The following TBC1D12 variants were observed in gnomAD, a reference collection of about 807,000 sequenced individuals.
TBC1D12 encodes TBC1 domain family, member 12.
TBC1D12 carries 56 observed loss-of-function variants against 86.7 expected under a neutral mutation model. That is an observed-to-expected ratio of 0.65 (90% CI 0.52 to 0.81). TBC1D12 has a LOEUF of 0.81. Ranked by LOEUF, TBC1D12 falls within the 30% of genes least tolerant of loss-of-function variation. The probability of loss-of-function intolerance (pLI) is 0.00; values close to 1 mark genes in which losing one functional copy is unlikely to be tolerated. For missense variants in TBC1D12, 1,023 were observed against 1,038.8 expected (o/e 0.98, Z 0.21); for synonymous variants, 421 against 411.7 (o/e 1.02, Z -0.27).
rs540339000 is a variant in TBC1D12 at position 94,442,552 on chromosome 10, A to G, written c.1095+533A>G. Among the ~76,000 whole-genome samples the G allele has an allele frequency of 1.9e-4, 29 of 152,316 alleles. No homozygotes were observed. In the East Asian group the frequency reaches 5.2e-3, roughly 27 times the overall value. ...TAATTTAGAAGCTATTTCTTCTGAT[A>G]TCTCTGTTAACATCTGTATTCTTGA... is the stretch of plus-strand genomic sequence containing the variant. On this transcript the variant is annotated intron_variant, in intron 2 of 12. Transcript: ENST00000225235.
chr10:94,462,273 C>CA (rs2055741019), intron 2 of TBC1D12, among the ~76,000 whole-genome samples: 1 of 152,178 alleles, frequency 6.6e-6, no homozygotes, highest in East Asian at 1.9e-4. Context: ...CAAGGTTTCT[C>CA]AACCTCAGCA....
chr10:94,455,906 C>T (rs1199625114), intron 2 of TBC1D12, among the ~76,000 whole-genome samples: 1 of 151,506 alleles, frequency 6.6e-6, no homozygotes, highest in African/African-American at 2.4e-5. Context: ...TCCAGTGAGC[C>T]AGGATGGCAC....
At chr10:94,526,435 A>G (rs939042918) in intron 11 of TBC1D12, among the ~76,000 whole-genome samples, 11 of 151,650 alleles carry the variant, frequency 7.3e-5, no homozygotes, top group Middle Eastern at 3.4e-3. Context: ...TCTCTGAGAA[A>G]AAAAAAAAAA....
chr10:94,407,452 C>T (rs546347974), intron 1 of TBC1D12, among the ~76,000 whole-genome samples: 2 of 152,234 alleles, frequency 1.3e-5, no homozygotes, highest in South Asian at 2.1e-4. Context: ...GAGGCTGAGG[C>T]GGGTGGATCA....
chr10:94,442,645 T>C lies in TBC1D12; in HGVS notation c.1095+626T>C, dbSNP rs529311916. On this transcript the variant is annotated intron_variant, in intron 2 of 12. Coordinates refer to ENST00000225235, the MANE Select transcript of TBC1D12 (RefSeq NM_015188.2). ...CTCTTCAGTACTAGATAAGTGAGAA[T>C]GGAAAGCAGTGAGACTGGATCAATC... Among the ~76,000 whole-genome samples the C allele has an allele frequency of 5.3e-5, 8 of 152,316 alleles. No individual in the cohort carries two copies. In the East Asian group the frequency reaches 1.5e-3, roughly 29 times the overall value.
At chr10:94,431,194 C>T (rs2055210188) in intron 1 of TBC1D12, among the ~76,000 whole-genome samples, 1 of 152,032 alleles carries the variant, frequency 6.6e-6, no homozygotes, top group African/African-American at 2.4e-5. Context: ...GTGGTTGGAT[C>T]TCTTGAGGTC....
chr10:94,480,719 T>C (rs1054541668), intron 3 of TBC1D12, among the ~76,000 whole-genome samples: 2 of 150,274 alleles, frequency 1.3e-5, no homozygotes, highest in Non-Finnish European at 3.0e-5. Context: ...TTTATATATA[T>C]ATATAAAATT....
intron 2 of TBC1D12, among the ~76,000 whole-genome samples, chr10:94,471,109 C>G (rs748531901): frequency 1.6e-4 from 24 of 151,922 alleles, no homozygotes; most frequent in Admixed American, 1.6e-3. Flanking sequence ...AACCCTGTCT[C>G]TATGAAAAAT....
intron 1 of TBC1D12, among the ~76,000 whole-genome samples, chr10:94,434,687 C>T (rs1395439531): frequency 6.6e-6 from 1 of 151,972 alleles, no homozygotes; most frequent in East Asian, 1.9e-4. Flanking sequence ...GGGAAGATTA[C>T]TTGAGCTCAG....
At chr10:94,454,529 C>T (rs2055597568) in intron 2 of TBC1D12, among the ~76,000 whole-genome samples, 1 of 152,186 alleles carries the variant, frequency 6.6e-6, no homozygotes, top group South Asian at 2.1e-4. Flanking sequence ...TAATCATAAA[C>T]ATGGAATATC....
At chr10:94,454,537 ATC>A (rs1393025074) in intron 2 of TBC1D12, among the ~76,000 whole-genome samples, 1 of 152,154 alleles carries the variant, frequency 6.6e-6, no homozygotes, top group Non-Finnish European at 1.5e-5. Context: ...AACATGGAAT[ATC>A]TCTTCATTTG....
chr10:94,403,161 A>T lies in TBC1D12; in HGVS notation c.548A>T (p.Asp183Val). 1 of 1,440,406 alleles carries T rather than the reference A, an allele frequency of 6.9e-7. No individual in the cohort carries two copies. The highest frequency in any genetic ancestry group is 9.1e-7 in the Non-Finnish European group (1 of 1,102,278). 89.2% of individuals were successfully genotyped at this position (1,440,406 alleles called of 1,614,324 possible). Residue 183 changes from aspartate to valine, a missense_variant, in exon 1 of 13, where the codon GAC becomes GTC. Asp to Val is a radical substitution (Grantham distance 152, BLOSUM62 -3). Coordinates refer to ENST00000225235, the MANE Select transcript of TBC1D12 (RefSeq NM_015188.2). ...RLEGPGDEDADGAGSPSDWAS... is the reference protein window; with the variant it reads ...RLEGPGDEDAVGAGSPSDWAS... Reference sequence around the variant, plus strand: ...GAGGGGCCTGGCGACGAGGACGCGGACGGCGCGGGAAGCCCGTCCGATTGG... The same window carrying T: ...GAGGGGCCTGGCGACGAGGACGCGGTCGGCGCGGGAAGCCCGTCCGATTGG...
chr10:94,492,756 TACC>T (rs2056262954), intron 3 of TBC1D12, among the ~76,000 whole-genome samples: 1 of 152,160 alleles, frequency 6.6e-6, no homozygotes, highest in South Asian at 2.1e-4. Context: ...TTGTGAGGGG[TACC>T]ACAAGGAAAC....
At chr10:94,458,531 C>T (rs2055663493) in intron 2 of TBC1D12, among the ~76,000 whole-genome samples, 1 of 152,146 alleles carries the variant, frequency 6.6e-6, no homozygotes, top group African/African-American at 2.4e-5. Context: ...CATGGTGAAA[C>T]TGTGTCTGGA....
chr10:94,426,514 C>T (rs1478276044), intron 1 of TBC1D12, among the ~76,000 whole-genome samples: 1 of 152,116 alleles, frequency 6.6e-6, no homozygotes, highest in African/African-American at 2.4e-5. Flanking sequence ...GCCTTGTATT[C>T]CCAGGATAAA....
intron 1 of TBC1D12, among the ~76,000 whole-genome samples, chr10:94,424,151 T>C (rs2055117253): frequency 6.6e-6 from 1 of 152,210 alleles, no homozygotes; most frequent in African/African-American, 2.4e-5. Flanking sequence ...TCTGAGAACT[T>C]TGGTATCTGA....
intron 1 of TBC1D12, among the ~76,000 whole-genome samples, chr10:94,440,617 T>C (rs1283341792): frequency 6.6e-6 from 1 of 152,258 alleles, no homozygotes. Context: ...ATAAATCTAA[T>C]TATTTGGGAC....
chr10:94,418,003 C>A (rs1023456713), intron 1 of TBC1D12, among the ~76,000 whole-genome samples: 14 of 152,090 alleles, frequency 9.2e-5, no homozygotes, highest in African/African-American at 3.4e-4. Context: ...ATCCGCCCAC[C>A]TCGGTCTCCC....
intron 1 of TBC1D12, among the ~76,000 whole-genome samples, chr10:94,405,979 T>A (rs1316402845): frequency 1.3e-5 from 2 of 151,828 alleles, no homozygotes; most frequent in Non-Finnish European, 2.9e-5. Context: ...CCTGGCTAAT[T>A]TTTGTATTTT....
Sources: allele counts gnomAD v4.1 joint callset (sites outside exome capture counted in the v4.1 genomes callset), GRCh38; gene constraint gnomAD v4.1.1; transcripts MANE v1.5; gene names NCBI Gene and HGNC (gene_info 2026-07-23, HGNC 2026-07-21).